The following GRID1 variants were observed in gnomAD, a reference collection of about 807,000 sequenced individuals.
GRID1 encodes glutamate ionotropic receptor delta type subunit 1, also known as glutamate receptor ionotropic, delta-1.
GRID1 carries 28 observed loss-of-function variants against 98.0 expected under a neutral mutation model. The observed-to-expected ratio is 0.29, with a 90% CI of 0.21 to 0.39. The LOEUF is 0.39. GRID1 is among the 10% of genes least tolerant of loss of function. The pLI, the probability that GRID1 is intolerant of heterozygous loss-of-function variation, is 1.00. For missense variants in GRID1, 1,111 were observed against 1,340.5 expected (o/e 0.83, Z 2.67); for synonymous variants, 553 against 538.5 (o/e 1.03, Z -0.37).
rs536103477 is a variant in GRID1, at chr10:85,655,461, G to T, written c.1998-8064C>A. On this transcript the variant is annotated intron_variant, in intron 12 of 15. Transcript: ENST00000327946. ...ACATACAGTCTGACAGACATTAGGA[G>T]CTGAGTTCATGTTTTCTGGAAGAAT... Among the ~76,000 whole-genome samples, 6 of 152,326 alleles carry T rather than the reference G, an allele frequency of 3.9e-5. No individual in the cohort carries two copies. The South Asian group carries it at 1.2e-3, about 32-fold the overall frequency.
intron 4 of GRID1, among the ~76,000 whole-genome samples, chr10:85,988,666 G>A (rs1453329821): frequency 6.6e-6 from 1 of 152,226 alleles, no homozygotes; most frequent in African/African-American, 2.4e-5. Context: ...TGTCCCCGGG[G>A]TGGCTGAGCC....
At chr10:86,063,653 G>A (rs1843679247) in intron 4 of GRID1, among the ~76,000 whole-genome samples, 1 of 152,172 alleles carries the variant, frequency 6.6e-6, no homozygotes, top group African/African-American at 2.4e-5. Context: ...AAATAAAAAT[G>A]TAAGTGAATA....
intron 3 of GRID1, among the ~76,000 whole-genome samples, chr10:86,194,691 C>T (rs1845848714): frequency 6.6e-6 from 1 of 152,094 alleles, no homozygotes; most frequent in South Asian, 2.1e-4. Context: ...GTGGTCTCCC[C>T]TTCCACATCT....
chr10:85,833,533 A>C (rs946361437), intron 8 of GRID1, among the ~76,000 whole-genome samples: 1 of 152,154 alleles, frequency 6.6e-6, no homozygotes, highest in South Asian at 2.1e-4. Flanking sequence ...ACAAAAAAAA[A>C]AAAAAAAGAT....
chr10:86,307,654 T>C (rs1279932309), intron 2 of GRID1, among the ~76,000 whole-genome samples: 7 of 152,184 alleles, frequency 4.6e-5, no homozygotes, highest in Admixed American at 4.6e-4. Flanking sequence ...TACTGTATAC[T>C]TCAAATTTAC....
chr10:85,673,447 A>C (rs1159441052), intron 12 of GRID1, among the ~76,000 whole-genome samples: 1 of 152,222 alleles, frequency 6.6e-6, no homozygotes, highest in African/African-American at 2.4e-5. Context: ...GAATTCTTTC[A>C]TGAAAAGAAG....
At chr10:86,134,276 G>T (rs1844881633) in intron 4 of GRID1, among the ~76,000 whole-genome samples, 1 of 152,254 alleles carries the variant, frequency 6.6e-6, no homozygotes, top group South Asian at 2.1e-4. Flanking sequence ...ATTTGATAGG[G>T]TTCCTCATCC....
intron 12 of GRID1, among the ~76,000 whole-genome samples, chr10:85,676,706 A>T (rs1211517446): frequency 6.6e-6 from 1 of 152,196 alleles, no homozygotes; most frequent in African/African-American, 2.4e-5. Context: ...AGCACTGAGC[A>T]CCTTGGAAGC....
At chr10:86,099,736 C>A (rs550672856) in intron 4 of GRID1, among the ~76,000 whole-genome samples, 7 of 152,238 alleles carry the variant, frequency 4.6e-5, no homozygotes, top group African/African-American at 1.7e-4. Context: ...CTCCTTAGAC[C>A]AGAGGCCCAG....
At chr10:85,627,453 T>G (rs1360901179) in intron 13 of GRID1, among the ~76,000 whole-genome samples, 3 of 152,232 alleles carry the variant, frequency 2.0e-5, no homozygotes, top group African/African-American at 7.2e-5. Context: ...GTATTGACAT[T>G]GTGACCGCCT....
intron 15 of GRID1, among the ~76,000 whole-genome samples, chr10:85,608,111 C>T (rs182032980): frequency 1.3e-5 from 2 of 152,108 alleles, no homozygotes; most frequent in African/African-American, 4.8e-5. Flanking sequence ...CCACTACACC[C>T]AGCCCAAAAC....
intron 6 of GRID1, among the ~76,000 whole-genome samples, chr10:85,865,767 G>A (rs1351985697): frequency 6.6e-6 from 1 of 151,750 alleles, no homozygotes; most frequent in African/African-American, 2.4e-5. Context: ...GCTTGTAAAT[G>A]AGATGAATCT....
chr10:86,293,117 C>T (rs1847539572), intron 2 of GRID1, among the ~76,000 whole-genome samples: 1 of 152,216 alleles, frequency 6.6e-6, no homozygotes, highest in Admixed American at 6.5e-5. Context: ...CTCTGCCCAA[C>T]CCATGTGCCA....
intron 4 of GRID1, among the ~76,000 whole-genome samples, chr10:86,129,425 G>A (rs576693029): frequency 6.6e-6 from 1 of 152,284 alleles, no homozygotes; most frequent in African/African-American, 2.4e-5. Flanking sequence ...TCATAGCCCA[G>A]CTCTGTCATT....
intron 12 of GRID1, among the ~76,000 whole-genome samples, chr10:85,712,080 G>A (rs1438240907): frequency 1.3e-5 from 2 of 151,538 alleles, no homozygotes; most frequent in Non-Finnish European, 3.0e-5. Context: ...ACAAAAGAAG[G>A]CAGTAACAGA....
rs1350115527 is a variant in GRID1, at chr10:85,647,291, C to G, written c.2104G>C (p.Asp702His). 6.2e-7 allele frequency: 1 copy of G among 1,614,256 alleles called. No homozygotes were observed. The highest frequency in any genetic ancestry group is 8.5e-7 in the Non-Finnish European group (1 of 1,180,034). ...CGCCAGAGTTCAGCAAACGTGCTGT[C>G]CTGCTCCAGGGGGTTGGTGCCCTTG... ...RAKGTNPLEQ[D>H]STFAELWRTI... The change falls in exon 13 of 16, where the codon GAC (aspartate) becomes CAC (histidine). Residue 702 changes from aspartate to histidine, a missense_variant. Transcript: ENST00000327946.
intron 2 of GRID1, among the ~76,000 whole-genome samples, chr10:86,218,697 C>G (rs1846210496): frequency 1.3e-5 from 2 of 152,188 alleles, no homozygotes; most frequent in Non-Finnish European, 2.9e-5. Context: ...AGTGCCTCCT[C>G]CTCTCCAGGG....
chr10:85,672,414 T>C (rs1229770204), intron 12 of GRID1, among the ~76,000 whole-genome samples: 2 of 152,144 alleles, frequency 1.3e-5, no homozygotes, highest in Non-Finnish European at 2.9e-5. Flanking sequence ...TTCAAGCGAT[T>C]CTCCTGTCTC....
At chr10:86,059,994 A>G (rs1843627230) in intron 4 of GRID1, among the ~76,000 whole-genome samples, 1 of 152,238 alleles carries the variant, frequency 6.6e-6, no homozygotes, top group South Asian at 2.1e-4. Flanking sequence ...TTGGGTCTCA[A>G]ACAACTATGA....
Sources: gnomAD v4.1 joint callset for allele counts (sites outside exome capture counted in the v4.1 genomes callset) on GRCh38, gnomAD v4.1.1 for gene constraint, MANE v1.5 for transcripts, NCBI Gene and HGNC (gene_info 2026-07-23, HGNC 2026-07-21) for gene names.